CDYL2: variants seen among roughly 807,000 people sequenced by gnomAD.
The protein encoded by CDYL2 is chromodomain Y like 2, also known as chromodomain Y-like protein 2.
Under a neutral mutation model 49.4 loss-of-function variants are expected in CDYL2, and 23 were observed. The observed-to-expected ratio is 0.47, with a 90% CI of 0.34 to 0.66. CDYL2 has a LOEUF of 0.66. CDYL2 is among the 30% of genes least tolerant of loss of function. The probability of loss-of-function intolerance (pLI) is 0.01; values close to 1 mark genes in which losing one functional copy is unlikely to be tolerated. For missense variants in CDYL2, 678 were observed against 656.4 expected, an observed-to-expected ratio of 1.03 and a Z score of -0.36; for synonymous variants, 360 against 268.8, an observed-to-expected ratio of 1.34 and a Z score of -3.32.
intron 2 of CDYL2, among the ~76,000 whole-genome samples, chr16:80,679,116 G>A (rs1339011320): frequency 4.7e-5 from 5 of 106,422 alleles, no homozygotes; most frequent in Non-Finnish European, 7.1e-5. Context: ...CTGTTGTGGG[G>A]TGGGGGGAGG....
chr16:80,701,068 GA>G (rs537152344), intron 1 of CDYL2, among the ~76,000 whole-genome samples: 134 of 152,154 alleles, frequency 8.8e-4, no homozygotes, highest in Middle Eastern at 3.4e-3. Flanking sequence ...AAGCCACTGG[GA>G]AAAAAATCTG....
At chr16:80,716,758 T>C (rs1215287496) in intron 1 of CDYL2, among the ~76,000 whole-genome samples, 1 of 151,258 alleles carries the variant, frequency 6.6e-6, no homozygotes, top group African/African-American at 2.4e-5. Flanking sequence ...GGATGATAGA[T>C]GGATGACTGG....
intron 2 of CDYL2, among the ~76,000 whole-genome samples, chr16:80,637,255 T>C (rs1475547158): frequency 6.6e-6 from 1 of 152,098 alleles, no homozygotes; most frequent in African/African-American, 2.4e-5. Flanking sequence ...GAAAGGGACT[T>C]CTTCAATTTG....
chr16:80,705,946 T>C (rs999378416), intron 1 of CDYL2, among the ~76,000 whole-genome samples: 9 of 152,276 alleles, frequency 5.9e-5, no homozygotes, highest in Non-Finnish European at 8.8e-5. Context: ...CATTTATTTA[T>C]TAAGGGAGAA....
At chr16:80,711,594 T>C (rs1296050435) in intron 1 of CDYL2, among the ~76,000 whole-genome samples, 1 of 152,228 alleles carries the variant, frequency 6.6e-6, no homozygotes, top group Non-Finnish European at 1.5e-5. Flanking sequence ...TAATTTGAGC[T>C]ACATGCTGTG....
At chr16:80,757,152 G>A (rs968335296) in intron 1 of CDYL2, among the ~76,000 whole-genome samples, 1 of 152,170 alleles carries the variant, frequency 6.6e-6, no homozygotes, top group Non-Finnish European at 1.5e-5. Flanking sequence ...ACCACTGTTT[G>A]CTTAGGATAC....
chr16:80,621,557 T>A (rs937015686), intron 3 of CDYL2, among the ~76,000 whole-genome samples: 1 of 152,168 alleles, frequency 6.6e-6, no homozygotes, highest in Non-Finnish European at 1.5e-5. Context: ...AATGTCCCCA[T>A]CTATAAGTGG....
rs1251383050 is a variant in CDYL2, at chr16:80,716,296, A to G, written c.25-31167T>C. On this transcript the variant is annotated intron_variant, in intron 1 of 6. Transcript: ENST00000570137. Reference sequence around the variant, plus strand: ...ACATCCTTTATAGGACTACTTGATTAATGTGTATCACAAGAGCAGGATACA... The same window carrying G: ...ACATCCTTTATAGGACTACTTGATTGATGTGTATCACAAGAGCAGGATACA... 5.9e-5 allele frequency among the ~76,000 whole-genome samples: 9 copies of G among 152,254 alleles called. No homozygotes were observed. In the East Asian group the frequency reaches 1.7e-3, roughly 29 times the overall value.
rs191158846 is a variant in CDYL2, at chr16:80,690,214, G to A, written c.25-5085C>T. On this transcript the variant is annotated intron_variant, in intron 1 of 6. Transcript: ENST00000570137. The stretch of plus-strand genomic sequence containing the variant: ...AGGTGCTGTGAGAAACAACGGCAGC[G>A]GGAATGGATTTACTTCAAACAGAAC... 2.8e-4 allele frequency among the ~76,000 whole-genome samples: 42 copies of A among 152,242 alleles called. No homozygotes were observed. In the East Asian group the frequency reaches 6.6e-3, roughly 24 times the overall value.
chr16:80,685,223 G>A (rs1044379679), intron 1 of CDYL2, 94 bp from the exon 2 acceptor site: 7 of 983,244 alleles, frequency 7.1e-6, no homozygotes, highest in Non-Finnish European at 9.2e-6. Context: ...CTTTGGGATA[G>A]AGGCATCTAC....
At chr16:80,642,598 A>G (rs531861699) in intron 2 of CDYL2, among the ~76,000 whole-genome samples, 1 of 152,258 alleles carries the variant, frequency 6.6e-6, no homozygotes, top group African/African-American at 2.4e-5. Flanking sequence ...GTAGACTGGG[A>G]AGAAAAAGAG....
intron 1 of CDYL2, among the ~76,000 whole-genome samples, chr16:80,782,545 A>AAG (rs1367118938): frequency 6.6e-6 from 1 of 150,842 alleles, no homozygotes; most frequent in East Asian, 1.9e-4. Context: ...AAAAAAAAAA[A>AAG]AAAAAAACTA....
At chr16:80,775,014 AG>A (rs1907035179) in intron 1 of CDYL2, among the ~76,000 whole-genome samples, 1 of 152,062 alleles carries the variant, frequency 6.6e-6, no homozygotes, top group Admixed American at 6.6e-5. Flanking sequence ...TTCTATAGAA[AG>A]AAATATTATT....
intron 6 of CDYL2, among the ~76,000 whole-genome samples, chr16:80,606,868 G>A (rs115383884): frequency 5.6e-4 from 86 of 152,230 alleles, no homozygotes; most frequent in African/African-American, 1.8e-3. Flanking sequence ...CTTGTCTGCC[G>A]CCATGTAAGA....
intron 3 of CDYL2, among the ~76,000 whole-genome samples, chr16:80,621,778 G>C (rs1404861270): frequency 6.6e-6 from 1 of 152,152 alleles, no homozygotes; most frequent in African/African-American, 2.4e-5. Flanking sequence ...CTAATCTCCT[G>C]CTTGGGTCTC....
intron 1 of CDYL2, among the ~76,000 whole-genome samples, chr16:80,758,964 A>T (rs1906416892): frequency 6.6e-6 from 1 of 151,672 alleles, no homozygotes; most frequent in South Asian, 2.1e-4. Context: ...GACATTAAGA[A>T]TTTTGGTGTA....
At chr16:80,755,121 T>C (rs1906265750) in intron 1 of CDYL2, among the ~76,000 whole-genome samples, 2 of 152,150 alleles carry the variant, frequency 1.3e-5, no homozygotes, top group South Asian at 4.1e-4. Flanking sequence ...GGTTTCCTCA[T>C]CCACATCCTA....
Position 80,602,530 on chromosome 16 carries a change from C to G in CDYL2, c.*1858G>C, listed in dbSNP as rs1042129423. ...AACGTGTTCTTTGAAACTCAAAGCT[C>G]AGGGCCACGAATACATTCCACCTGC... On this transcript the variant is annotated 3_prime_UTR_variant, in exon 7 of 7. Coordinates refer to ENST00000570137, the MANE Select transcript of CDYL2 (RefSeq NM_152342.4). The G allele has an allele frequency of 6.6e-6, 1 of 152,246 alleles. No homozygotes were observed. The highest frequency in any genetic ancestry group is 1.5e-5 in the Non-Finnish European group (1 of 68,092). The allele number at this position is 152,246 out of a possible 1,614,324, so 9.4% of individuals were successfully genotyped here.
chr16:80,755,701 G>A (rs990114011), intron 1 of CDYL2, among the ~76,000 whole-genome samples: 6 of 152,142 alleles, frequency 3.9e-5, no homozygotes, highest in African/African-American at 9.7e-5. Context: ...AAGAACATCT[G>A]ACAACACCAA....
Sources: gnomAD v4.1 joint callset for allele counts (sites outside exome capture counted in the v4.1 genomes callset) on GRCh38, gnomAD v4.1.1 for gene constraint, MANE v1.5 for transcripts, NCBI Gene and HGNC (gene_info 2026-07-23, HGNC 2026-07-21) for gene names.